METTL13: variants seen among roughly 807,000 people sequenced by gnomAD.
The protein encoded by METTL13 is methyltransferase 13, eEF1A N-terminus and K55, also known as eEF1A lysine and N-terminal methyltransferase.
Under a neutral mutation model 67.4 loss-of-function variants are expected in METTL13, and 52 were observed. The ratio of observed to expected loss-of-function variants is 0.77; its 90% CI spans 0.62 to 0.97. The LOEUF (loss-of-function observed/expected upper bound fraction) is 0.97. Ranked by LOEUF, METTL13 falls within the 50% of genes least tolerant of loss-of-function variation. METTL13 has a pLI of 0.00. For missense variants in METTL13, 825 were observed against 889.6 expected, an observed-to-expected ratio of 0.93 and a Z score of 0.92; for synonymous variants, 354 against 353.6, an observed-to-expected ratio of 1.00 and a Z score of -0.01.
At chr1:171,790,714 C>T (rs897993657) in intron 5 of METTL13, 98 bp downstream of exon 5, 2 of 1,238,218 alleles carry the variant, frequency 1.6e-6, no homozygotes, top group East Asian at 2.8e-5. Context: ...ACAGCAATTA[C>T]AAGCTGACAA....
intron 2 of METTL13, among the ~76,000 whole-genome samples, 171 bp from the exon 3 acceptor site, chr1:171,785,708 G>A (rs1201937590): frequency 1.3e-5 from 2 of 152,160 alleles, no homozygotes; most frequent in Non-Finnish European, 2.9e-5. Flanking sequence ...TATGTCTGAT[G>A]GGCTGCTTTG....
chr1:171,792,271 GA>G, intron 6 of METTL13, 36 bp downstream of exon 6: 1 of 1,609,140 alleles, frequency 6.2e-7, no homozygotes, highest in South Asian at 1.1e-5. Flanking sequence ...GGTGTTGAGG[GA>G]TGATTGATGC....
At chr1:171,787,122 A>C (rs1395428980) in intron 3 of METTL13, among the ~76,000 whole-genome samples, 1 of 151,938 alleles carries the variant, frequency 6.6e-6, no homozygotes, top group African/African-American at 2.4e-5. Flanking sequence ...GTGGCCTCTC[A>C]CCAGTGCCTG....
intron 4 of METTL13, among the ~76,000 whole-genome samples, chr1:171,789,378 G>C (rs1408507718): frequency 2.0e-5 from 3 of 152,096 alleles, no homozygotes; most frequent in Non-Finnish European, 4.4e-5. Context: ...TGGCTTTTTA[G>C]GATTTATTTC....
Position 171,796,834 on chromosome 1 carries a change from A to G in METTL13, c.*78A>G, listed in dbSNP as rs1293524862. On this transcript the variant is annotated 3_prime_UTR_variant, in exon 8 of 8. Transcript: ENST00000361735. ...GCCAGAGAATGAAGAAATACAACGC[A>G]CAGTACTTTTGAAGCTTCGTATTTT... 2 of 1,526,282 alleles carry G rather than the reference A, an allele frequency of 1.3e-6. No homozygotes were observed. Among genetic ancestry groups the G allele is most frequent in the East Asian group, 2.3e-5 (1 of 44,226 alleles). The allele number at this position is 1,526,282 out of a possible 1,614,324, so 94.5% of individuals were successfully genotyped here. A position where few individuals can be genotyped will look rare whatever the true frequency, so the allele number is the denominator to read the frequency against.
Position 171,794,458 on chromosome 1 carries a change from A to C in METTL13, c.1756A>C (p.Ser586Arg). Residue 586 changes from serine to arginine, a missense_variant, in exon 7 of 8, where the codon AGT becomes CGT. Transcript: ENST00000361735. ...CAGTAAGGACCCAACACTGGGAATGAGTTGTCCGCCCCCAGCATTTGTGGA... is the reference window on the plus strand; with the variant it reads ...CAGTAAGGACCCAACACTGGGAATGCGTTGTCCGCCCCCAGCATTTGTGGA... ...VDSKDPTLGM[S>R]CPPPAFVEQS... 1 of 1,614,204 alleles carries C rather than the reference A, an allele frequency of 6.2e-7. No individual in the cohort carries two copies. The highest frequency in any genetic ancestry group is 8.5e-7 in the Non-Finnish European group (1 of 1,180,032).
intron 3 of METTL13, among the ~76,000 whole-genome samples, chr1:171,786,998 C>T (rs1440865306): frequency 1.3e-5 from 2 of 151,918 alleles, no homozygotes; most frequent in African/African-American, 4.8e-5. Context: ...TGTGGTTTTG[C>T]CCACTAGGCT....
intron 5 of METTL13, chr1:171,790,880 A>C (rs550550232): frequency 1.0e-5 from 3 of 293,672 alleles, no homozygotes; most frequent in African/African-American, 2.2e-5. Flanking sequence ...AAGGTATATC[A>C]TGTATTCAAT....
Position 171,781,884 on chromosome 1 carries a change from G to A in METTL13, c.-84G>A, listed in dbSNP as rs1250841702. 2.5e-6 allele frequency: 4 copies of A among 1,575,380 alleles called. No homozygotes were observed. Among genetic ancestry groups the A allele is most frequent in the Non-Finnish European group, 3.4e-6 (4 of 1,160,394 alleles). ...AGAATTCCCACTGCAGTGTCCCGGA[G>A]CCTGCGTGTGGTGGGCAAGCTCCTC... is the stretch of plus-strand genomic sequence containing the variant. On this transcript the variant is annotated 5_prime_UTR_variant, in exon 1 of 8. Transcript: ENST00000361735.
At chr1:171,794,891 C>T (rs1657318606) in intron 7 of METTL13, among the ~76,000 whole-genome samples, 1 of 151,964 alleles carries the variant, frequency 6.6e-6, no homozygotes, top group South Asian at 2.1e-4. Context: ...CTGATCATGG[C>T]TCACTGTAGC....
chr1:171,786,488 C>G (rs1419658098), intron 3 of METTL13, among the ~76,000 whole-genome samples: 2 of 152,178 alleles, frequency 1.3e-5, no homozygotes, highest in African/African-American at 2.4e-5. Context: ...CACAGTTATC[C>G]AGGTATTCAC....
Position 171,783,804 on chromosome 1 carries a change from A to G in METTL13, c.218A>G (p.Asp73Gly). ...SEQLYDVGYR[D>G]IVNIDISEVV... Reference sequence around the variant, plus strand: ...CAACTGTATGATGTGGGCTATCGGGATATAGTGAACATCGACATCAGTGAG... The same window carrying G: ...CAACTGTATGATGTGGGCTATCGGGGTATAGTGAACATCGACATCAGTGAG... The change falls in exon 2 of 8, where the codon GAT becomes GGT. Residue 73 changes from aspartate (D) to glycine (G), a missense_variant. Physicochemically the swap from Asp to Gly is moderately conservative, Grantham distance 94 (BLOSUM62 -1). Coordinates refer to ENST00000361735, the MANE Select transcript of METTL13 (RefSeq NM_015935.5). 6.2e-7 allele frequency: 1 copy of G among 1,614,152 alleles called. No individual in the cohort carries two copies. Among genetic ancestry groups the G allele is most frequent in the Non-Finnish European group, 8.5e-7 (1 of 1,180,022 alleles).
intron 4 of METTL13, among the ~76,000 whole-genome samples, chr1:171,788,620 A>G (rs944002594): frequency 1.3e-5 from 2 of 152,228 alleles, no homozygotes; most frequent in African/African-American, 4.8e-5. Context: ...AACTCCCCCG[A>G]TGGGGAATCA....
At chr1:171,793,185 G>A (rs1182367582) in intron 6 of METTL13, among the ~76,000 whole-genome samples, 1 of 152,184 alleles carries the variant, frequency 6.6e-6, no homozygotes, top group East Asian at 1.9e-4. Flanking sequence ...GGCAAACTAG[G>A]AGGCCTGGGA....
At chr1:171,790,337 A>C in intron 4 of METTL13, 115 bp from the exon 5 acceptor site, 1 of 1,231,118 alleles carries the variant, frequency 8.1e-7, no homozygotes, top group Non-Finnish European at 1.1e-6. Flanking sequence ...AGTTTGCAAA[A>C]TTTTAACGAT....
chr1:171,788,934 C>A (rs1425711218), intron 4 of METTL13, among the ~76,000 whole-genome samples: 1 of 152,178 alleles, frequency 6.6e-6, no homozygotes, highest in East Asian at 1.9e-4. Context: ...TCAAGTTACC[C>A]AGCGAAATGG....
At chr1:171,791,784 CAATAAT>C (rs1009467020) in intron 5 of METTL13, among the ~76,000 whole-genome samples, 2 of 152,096 alleles carry the variant, frequency 1.3e-5, no homozygotes, top group African/African-American at 4.8e-5. Flanking sequence ...CTTTAAGAGA[CAATAAT>C]AATAACACAC....
At chr1:171,790,737 C>T (rs1657178767) in intron 5 of METTL13, 121 bp downstream of exon 5, 2 of 1,093,202 alleles carry the variant, frequency 1.8e-6, no homozygotes, top group Non-Finnish European at 2.5e-6. Context: ...TATCTTTCTT[C>T]ATCTCAACCA....
At chr1:171,791,074 T>A (rs1657190402) in intron 5 of METTL13, 1 of 152,828 alleles carries the variant, frequency 6.5e-6, no homozygotes. Context: ...ATTGTTCATG[T>A]TTTGTCTGTG....
Sources: allele counts gnomAD v4.1 joint callset (sites outside exome capture counted in the v4.1 genomes callset), GRCh38; gene constraint gnomAD v4.1.1; transcripts MANE v1.5; gene names NCBI Gene and HGNC (gene_info 2026-07-23, HGNC 2026-07-21).